Variants in STK39 observed in about 807,000 individuals in gnomAD.
STK39 encodes STE20/SPS1-related proline-alanine-rich protein kinase.
In STK39, 20 loss-of-function variants were observed where a neutral mutation model predicts 77.8. The ratio of observed to expected loss-of-function variants is 0.26; its 90% CI spans 0.18 to 0.37. STK39 has a LOEUF of 0.37. STK39 is among the 10% of genes least tolerant of loss of function. STK39 has a pLI of 1.00. For missense variants in STK39, 479 were observed against 656.5 expected (o/e 0.73, Z 2.95); for synonymous variants, 246 against 234.1 (o/e 1.05, Z -0.47).
chr2:168,079,301 G>A (rs1226309580), intron 10 of STK39, among the ~76,000 whole-genome samples: 1 of 151,760 alleles, frequency 6.6e-6, no homozygotes, highest in Admixed American at 6.6e-5. Context: ...GCCCCCTCCC[G>A]GCTCTACTCC....
In STK39 at chr2:168,149,802, G is replaced by A. The variant is rs528664066; in HGVS notation, c.629-9044C>T. On this transcript the variant is annotated intron_variant, in intron 5 of 17. Coordinates refer to ENST00000355999, the MANE Select transcript of STK39 (RefSeq NM_013233.3). ...GCACAAATTAAAATAAGTAAATGCA[G>A]AGGCATCTCAAGGGGGAAGAAAACA... Among the ~76,000 whole-genome samples the A allele has an allele frequency of 3.9e-5, 6 of 152,352 alleles. No individual in the cohort carries two copies. The East Asian group carries it at 1.2e-3, about 29-fold the overall frequency.
intron 1 of STK39, among the ~76,000 whole-genome samples, chr2:168,197,573 T>A (rs1289394001): frequency 6.6e-6 from 1 of 152,176 alleles, no homozygotes; most frequent in Admixed American, 6.5e-5. Flanking sequence ...GAAAGAACTG[T>A]CCAATCATAT....
At chr2:167,983,134 T>G (rs1434883803) in intron 16 of STK39, among the ~76,000 whole-genome samples, 1 of 152,192 alleles carries the variant, frequency 6.6e-6, no homozygotes, top group Non-Finnish European at 1.5e-5. Flanking sequence ...CAATTAAACT[T>G]GAGCCTTAAA....
At chr2:168,197,501 G>C (rs1464275951) in intron 1 of STK39, among the ~76,000 whole-genome samples, 2 of 152,108 alleles carry the variant, frequency 1.3e-5, no homozygotes, top group Non-Finnish European at 2.9e-5. Context: ...AGGATGCAGG[G>C]GAAGGAACAA....
At chr2:167,966,197 G>A (rs1444106080) in intron 16 of STK39, among the ~76,000 whole-genome samples, 1 of 152,094 alleles carries the variant, frequency 6.6e-6, no homozygotes, top group East Asian at 1.9e-4. Context: ...AGTTATCATC[G>A]CAAAGCTTCC....
At chr2:168,200,801 GTTTCAGT>G (rs1255404108) in intron 1 of STK39, among the ~76,000 whole-genome samples, 6 of 151,912 alleles carry the variant, frequency 3.9e-5, no homozygotes, top group Admixed American at 3.9e-4. Flanking sequence ...TTTTATTTTT[GTTTCAGT>G]TTATAAAGAA....
intron 14 of STK39, among the ~76,000 whole-genome samples, chr2:168,027,288 A>G (rs1421419895): frequency 6.6e-6 from 1 of 152,124 alleles, no homozygotes; most frequent in Non-Finnish European, 1.5e-5. Context: ...GCTGAACCAC[A>G]TACTTTCCCC....
At chr2:168,136,262 G>A (rs532946115) in intron 8 of STK39, among the ~76,000 whole-genome samples, 250 of 151,566 alleles carry the variant, frequency 1.6e-3, no homozygotes, top group Non-Finnish European at 2.9e-3. Flanking sequence ...CCAACTACTC[G>A]GGAGAGTGAG....
At chr2:168,060,921 T>C (rs1685647740) in intron 14 of STK39, among the ~76,000 whole-genome samples, 1 of 151,770 alleles carries the variant, frequency 6.6e-6, no homozygotes, top group African/African-American at 2.4e-5. Context: ...CCTTAATCAA[T>C]GTTTTGGATA....
intron 10 of STK39, among the ~76,000 whole-genome samples, chr2:168,076,393 G>A (rs554811962): frequency 6.6e-6 from 1 of 152,336 alleles, no homozygotes; most frequent in East Asian, 1.9e-4. Flanking sequence ...TGTGAAGAAA[G>A]CCTACTTTTT....
chr2:168,071,846 G>A (rs542456440), intron 12 of STK39, among the ~76,000 whole-genome samples: 16 of 150,502 alleles, frequency 1.1e-4, no homozygotes, highest in Admixed American at 9.9e-4. Flanking sequence ...CTCCAGCCTG[G>A]GCAACAGAGT....
chr2:167,965,419 C>G (rs1692129020), intron 16 of STK39, among the ~76,000 whole-genome samples: 1 of 152,154 alleles, frequency 6.6e-6, no homozygotes, highest in East Asian at 1.9e-4. Flanking sequence ...TCAGTATTAG[C>G]TGGATTCATT....
At chr2:167,980,058 A>G (rs1165551637) in intron 16 of STK39, among the ~76,000 whole-genome samples, 1 of 152,246 alleles carries the variant, frequency 6.6e-6, no homozygotes, top group Admixed American at 6.5e-5. Flanking sequence ...CTCTAATGAC[A>G]ATCTCACAAC....
At chr2:168,034,943 T>C (rs1204829152) in intron 14 of STK39, among the ~76,000 whole-genome samples, 1 of 152,220 alleles carries the variant, frequency 6.6e-6, no homozygotes, top group Non-Finnish European at 1.5e-5. Flanking sequence ...CTTCAGCCTG[T>C]TGATGTGGTC....
chr2:168,060,282 A>C (rs933260101), intron 14 of STK39, among the ~76,000 whole-genome samples: 1 of 152,220 alleles, frequency 6.6e-6, no homozygotes. Flanking sequence ...CCCTGAAAAA[A>C]ATTCATATGC....
At position 168,012,649 on chromosome 2, in the gene STK39, G is replaced by A. The variant is rs1386509212; in HGVS notation, c.1483C>T (p.His495Tyr). The change falls in exon 16 of 18, where the codon CAC (histidine) becomes TAC (tyrosine). Residue 495 changes from histidine (H) to tyrosine (Y), a missense_variant. Physicochemically the swap from His to Tyr is moderately conservative, Grantham distance 83 (BLOSUM62 2). Transcript: ENST00000355999. ...ELFSAGLVDG[H>Y]DVVIVAANLQ... ...AACAATTTACCTATAACTACATCGT[G>A]ACCATCCACCAAGCCAGCAGAGAAG... 1 of 1,613,528 alleles carries A rather than the reference G, an allele frequency of 6.2e-7. No homozygotes were observed.
chr2:168,102,279 A>T (rs1686849124), intron 10 of STK39, among the ~76,000 whole-genome samples: 1 of 152,128 alleles, frequency 6.6e-6, no homozygotes, highest in Non-Finnish European at 1.5e-5. Flanking sequence ...CCAGCATGGG[A>T]GGGTTCCAGT....
At position 167,990,006 on chromosome 2, in the gene STK39, C is replaced by G. The variant is rs138842690; in HGVS notation, c.1498+22628G>C. ...GCTATAACACAAGGGCTAAAACGAC[C>G]AATAATAATCATCATCATCATCTTC... is the stretch of plus-strand genomic sequence containing the variant. On this transcript the variant is annotated intron_variant, in intron 16 of 17. Coordinates refer to ENST00000355999, the MANE Select transcript of STK39 (RefSeq NM_013233.3). 2.9e-3 allele frequency among the ~76,000 whole-genome samples: 439 copies of G among 151,252 alleles called. 6 individuals carry two copies. The highest frequency in any genetic ancestry group is 0.01 in the East Asian group (52 of 5,058).
At chr2:168,199,482 T>C (rs889086480) in intron 1 of STK39, among the ~76,000 whole-genome samples, 1 of 152,202 alleles carries the variant, frequency 6.6e-6, no homozygotes, top group Non-Finnish European at 1.5e-5. Context: ...CTTCAAGGAA[T>C]TCCATGATAA....
Sources: allele counts gnomAD v4.1 joint callset (sites outside exome capture counted in the v4.1 genomes callset), GRCh38; gene constraint gnomAD v4.1.1; transcripts MANE v1.5; gene names NCBI Gene and HGNC (gene_info 2026-07-23, HGNC 2026-07-21).